Variants in PPP2R2B observed in about 807,000 individuals in gnomAD.
PPP2R2B encodes serine/threonine-protein phosphatase 2A 55 kDa regulatory subunit B beta isoform.
Under a neutral mutation model 46.0 loss-of-function variants are expected in PPP2R2B, and 5 were observed. The observed-to-expected ratio is 0.11, with a 90% CI of 0.06 to 0.23. The LOEUF (loss-of-function observed/expected upper bound fraction) is 0.23, where lower values mean the gene tolerates loss of function less well. Among genes scored for constraint, PPP2R2B ranks in the 10% least tolerant of loss-of-function variants. The pLI is 1.00. For missense variants in PPP2R2B, 367 were observed against 575.0 expected, an observed-to-expected ratio of 0.64 and a Z score of 3.70; for synonymous variants, 215 against 206.7, an observed-to-expected ratio of 1.04 and a Z score of -0.34.
intron 2 of PPP2R2B, among the ~76,000 whole-genome samples, chr5:146,731,730 A>G (rs1348751967): frequency 6.6e-6 from 1 of 152,202 alleles, no homozygotes; most frequent in Non-Finnish European, 1.5e-5. Context: ...ACATAATGCA[A>G]ATAAAGGAGC....
intron 5 of PPP2R2B, among the ~76,000 whole-genome samples, chr5:146,652,437 T>C (rs1776034166): frequency 6.6e-6 from 1 of 152,156 alleles, no homozygotes; most frequent in African/African-American, 2.4e-5. Context: ...ATCATATACC[T>C]GTTCTTGTCA....
intron 1 of PPP2R2B, chr5:147,081,196 G>C: frequency 6.5e-7 from 1 of 1,535,276 alleles, no homozygotes; most frequent in Admixed American, 2.0e-5. Context: ...GTTCTTAAGA[G>C]ACCAACAAGA....
intron 2 of PPP2R2B, among the ~76,000 whole-genome samples, chr5:146,866,025 C>T (rs1185933652): frequency 6.6e-6 from 1 of 152,222 alleles, no homozygotes; most frequent in Non-Finnish European, 1.5e-5. Flanking sequence ...GGTCTACAGG[C>T]TACTCCTTGA....
chr5:146,736,016 A>G (rs1752513219), intron 2 of PPP2R2B, among the ~76,000 whole-genome samples: 1 of 152,072 alleles, frequency 6.6e-6, no homozygotes, highest in Admixed American at 6.5e-5. Context: ...CATAATCCCC[A>G]CGTGTTATGG....
intron 2 of PPP2R2B, among the ~76,000 whole-genome samples, chr5:146,844,743 C>A (rs1334392367): frequency 6.6e-6 from 1 of 152,244 alleles, no homozygotes; most frequent in Non-Finnish European, 1.5e-5. Context: ...TTCTTTCCAG[C>A]ACTTTGCATC....
At chr5:146,891,644 G>A (rs1168560407) in intron 1 of PPP2R2B, among the ~76,000 whole-genome samples, 1 of 152,152 alleles carries the variant, frequency 6.6e-6, no homozygotes, top group African/African-American at 2.4e-5. Flanking sequence ...CTAGTTGCTT[G>A]TAAGGAGATT....
chr5:146,731,075 A>C (rs1752201858), intron 2 of PPP2R2B, among the ~76,000 whole-genome samples: 1 of 152,180 alleles, frequency 6.6e-6, no homozygotes, highest in Non-Finnish European at 1.5e-5. Flanking sequence ...CATACACAAC[A>C]CACCAGCTGG....
At chr5:146,728,185 A>G (rs187684845) in intron 2 of PPP2R2B, among the ~76,000 whole-genome samples, 2 of 147,038 alleles carry the variant, frequency 1.4e-5, no homozygotes, top group African/African-American at 5.0e-5. Context: ...TTTCCCAGCA[A>G]AAGGAAAGCA....
At chr5:146,943,207 T>C (rs943700046) in intron 1 of PPP2R2B, among the ~76,000 whole-genome samples, 8 of 152,218 alleles carry the variant, frequency 5.3e-5, no homozygotes, top group African/African-American at 1.9e-4. Context: ...GAGATTCTGA[T>C]TGAACTGAGT....
chr5:146,594,881 G>C, intron 8 of PPP2R2B, among the ~76,000 whole-genome samples: 1 of 152,200 alleles, frequency 6.6e-6, no homozygotes, highest in Non-Finnish European at 1.5e-5. Flanking sequence ...TTTAAGTTAA[G>C]AGTGATGATT....
intron 1 of PPP2R2B, among the ~76,000 whole-genome samples, chr5:147,040,005 T>C (rs2151896262): frequency 6.6e-6 from 1 of 152,268 alleles, no homozygotes; most frequent in African/African-American, 2.4e-5. Flanking sequence ...TTTTAGATGT[T>C]TTACGTATCT....
chr5:146,679,203 T>C (rs1777958386), intron 5 of PPP2R2B, among the ~76,000 whole-genome samples: 1 of 10,784 alleles, frequency 9.3e-5, no homozygotes, highest in Non-Finnish European at 1.5e-4. Context: ...GAGATATAGA[T>C]CAATGGAACA....
In PPP2R2B at chr5:147,069,785, G is replaced by GTTT. The variant is rs540998224; in HGVS notation, c.50+11271_50+11273dup. Among the ~76,000 whole-genome samples the GTTT allele has an allele frequency of 3.0e-3, 197 of 64,776 alleles. 27 individuals carry two copies. Among genetic ancestry groups the GTTT allele is most frequent in the East Asian group, 5.6e-3 (12 of 2,142 alleles). 42.5% of individuals were successfully genotyped at this position (64,776 alleles called of 152,430 possible). A position where few individuals can be genotyped will look rare whatever the true frequency, so the allele number is the denominator to read the frequency against. On this transcript the variant is annotated intron_variant, in intron 2 of 10. Coordinates refer to the PPP2R2B transcript ENST00000394413. ...CTCCCACATGAACACATTTTATACTGTTTTTTTTTTTTTTTTTTTTTTTGA... is the reference window on the plus strand; with the variant it reads ...CTCCCACATGAACACATTTTATACTGTTTTTTTTTTTTTTTTTTTTTTTTTTGA...
chr5:146,822,987 T>C (rs1179488480), intron 2 of PPP2R2B, among the ~76,000 whole-genome samples: 2 of 152,052 alleles, frequency 1.3e-5, no homozygotes, highest in Non-Finnish European at 2.9e-5. Context: ...AAAAAAGACT[T>C]TTGTTTTTCT....
intron 7 of PPP2R2B, among the ~76,000 whole-genome samples, chr5:146,619,653 G>A (rs1322891502): frequency 1.1e-4 from 16 of 152,190 alleles, no homozygotes; most frequent in Admixed American, 9.8e-4. Context: ...TCAAACATAC[G>A]TCCTCTGTAA....
chr5:146,683,900 A>G (rs2151141241), intron 5 of PPP2R2B, among the ~76,000 whole-genome samples: 1 of 152,336 alleles, frequency 6.6e-6, no homozygotes, highest in South Asian at 2.1e-4. Context: ...ACTGAGTTAC[A>G]CACATCACAT....
At chr5:146,731,985 A>G (rs1348843102) in intron 2 of PPP2R2B, among the ~76,000 whole-genome samples, 1 of 152,212 alleles carries the variant, frequency 6.6e-6, no homozygotes, top group Non-Finnish European at 1.5e-5. Context: ...TTGATGATTA[A>G]GATAAGGTCC....
chr5:146,849,632 A>G (rs577551415), intron 2 of PPP2R2B, among the ~76,000 whole-genome samples: 11 of 152,320 alleles, frequency 7.2e-5, no homozygotes, highest in Admixed American at 6.5e-4. Flanking sequence ...AAACAGTACA[A>G]GAGGGTGCAC....
intron 4 of PPP2R2B, among the ~76,000 whole-genome samples, chr5:146,695,951 G>A (rs1315077272): frequency 2.6e-5 from 4 of 152,146 alleles, no homozygotes; most frequent in African/African-American, 4.8e-5. Context: ...GTTGGCATAT[G>A]AAACAGTATC....
Sources: gnomAD v4.1 joint callset for allele counts (sites outside exome capture counted in the v4.1 genomes callset) on GRCh38, gnomAD v4.1.1 for gene constraint, MANE v1.5 for transcripts, NCBI Gene and HGNC (gene_info 2026-07-23, HGNC 2026-07-21) for gene names.